SLC22A16: variants seen among roughly 807,000 people sequenced by gnomAD.
The protein encoded by SLC22A16 is solute carrier family 22 member 16.
A neutral mutation model predicts 52.9 loss-of-function variants in SLC22A16; 53 were observed. That is an observed-to-expected ratio of 1.00 (90% CI 0.80 to 1.26). SLC22A16 has a LOEUF of 1.26. Among genes scored for constraint, SLC22A16 ranks in the 50% most tolerant of loss-of-function variants. SLC22A16 has a pLI of 0.00. For synonymous variants in SLC22A16, 291 were observed against 268.8 expected, an observed-to-expected ratio of 1.08 and a Z score of -0.81; for missense variants, 726 against 704.0, an observed-to-expected ratio of 1.03 and a Z score of -0.35.
chr6:110,453,863 A>G (rs1046074479), intron 2 of SLC22A16, among the ~76,000 whole-genome samples: 1 of 152,244 alleles, frequency 6.6e-6, no homozygotes, highest in Non-Finnish European at 1.5e-5. Context: ...CTTTCATGCT[A>G]CATTACAACA....
chr6:110,449,293 C>T (rs1027604367), intron 2 of SLC22A16, among the ~76,000 whole-genome samples: 6 of 151,936 alleles, frequency 3.9e-5, no homozygotes, highest in Admixed American at 6.6e-5. Context: ...CCTGATGACC[C>T]GCCTGCCTCA....
At chr6:110,434,962 AAT>A (rs1346452096) in intron 6 of SLC22A16, among the ~76,000 whole-genome samples, 7 of 152,144 alleles carry the variant, frequency 4.6e-5, no homozygotes, top group Non-Finnish European at 8.8e-5. Context: ...TGGGCAACAG[AAT>A]GAGACTCCAT....
intron 4 of SLC22A16, among the ~76,000 whole-genome samples, chr6:110,441,796 A>G (rs549487032): frequency 6.6e-6 from 1 of 152,232 alleles, no homozygotes; most frequent in East Asian, 1.9e-4. Flanking sequence ...AACAGTTCTC[A>G]TGGTGGCTCA....
At chr6:110,429,394 G>A (rs1363157115) in intron 7 of SLC22A16, among the ~76,000 whole-genome samples, 3 of 152,250 alleles carry the variant, frequency 2.0e-5, no homozygotes, top group East Asian at 1.9e-4. Context: ...AGAGCCGTAT[G>A]TGTACCTGCT....
chr6:110,473,850 G>C (rs1276032144), intron 1 of SLC22A16, among the ~76,000 whole-genome samples: 1 of 151,834 alleles, frequency 6.6e-6, no homozygotes, highest in East Asian at 1.9e-4. Context: ...AAGGTGACTA[G>C]AATAGTGCTT....
rs1302080524 is a variant in SLC22A16, at chr6:110,459,733, T to A, written c.54-2716A>T. On this transcript the variant is annotated intron_variant, in intron 1 of 7. Coordinates refer to ENST00000368919, the MANE Select transcript of SLC22A16 (RefSeq NM_033125.4). Reference sequence around the variant, plus strand: ...AATAGGGGAAACTGGGTGAGGGTCATATGGGGACTCTGTACTATCTGTGTA... The same window carrying A: ...AATAGGGGAAACTGGGTGAGGGTCAAATGGGGACTCTGTACTATCTGTGTA... Among the ~76,000 whole-genome samples the A allele has an allele frequency of 3.3e-5, 5 of 152,306 alleles. No homozygotes were observed. The East Asian group carries it at 9.6e-4, about 29-fold the overall frequency.
chr6:110,463,712 T>A (rs1229786682), intron 1 of SLC22A16, among the ~76,000 whole-genome samples: 1 of 151,926 alleles, frequency 6.6e-6, no homozygotes, highest in African/African-American at 2.4e-5. Flanking sequence ...AATACCATAC[T>A]GACAGCAATA....
intron 1 of SLC22A16, among the ~76,000 whole-genome samples, chr6:110,461,900 A>T (rs1775898715): frequency 6.6e-6 from 1 of 152,238 alleles, no homozygotes; most frequent in Non-Finnish European, 1.5e-5. Flanking sequence ...GTCCAATTTC[A>T]TGCTGCTGAT....
chr6:110,476,205 G>GGGGGGCCT (rs376995495), intron 1 of SLC22A16: 17 of 687,178 alleles, frequency 2.5e-5, no homozygotes, highest in Non-Finnish European at 3.5e-5. Context: ...GGCCCCTCGA[G>GGGGGGCCT]CCAGATCTCC....
intron 6 of SLC22A16, among the ~76,000 whole-genome samples, chr6:110,435,449 G>A (rs1774685589): frequency 6.6e-6 from 1 of 152,106 alleles, no homozygotes; most frequent in Non-Finnish European, 1.5e-5. Flanking sequence ...CCAGCCTCCA[G>A]TACTGTGAGA....
At chr6:110,441,672 G>T (rs1394770517) in intron 4 of SLC22A16, among the ~76,000 whole-genome samples, 2 of 152,140 alleles carry the variant, frequency 1.3e-5, no homozygotes, top group Non-Finnish European at 2.9e-5. Context: ...AAAATGCCTG[G>T]GAAACATCAC....
intron 7 of SLC22A16, among the ~76,000 whole-genome samples, chr6:110,426,105 T>C (rs2114868080): frequency 6.6e-6 from 1 of 152,338 alleles, no homozygotes; most frequent in South Asian, 2.1e-4. Flanking sequence ...TGCAGAGCAC[T>C]GATAACCTAA....
chr6:110,467,637 A>G (rs1300835752), intron 1 of SLC22A16, among the ~76,000 whole-genome samples: 2 of 152,254 alleles, frequency 1.3e-5, no homozygotes, highest in East Asian at 1.9e-4. Flanking sequence ...GAGATGTTCA[A>G]TAGGCCAGTG....
At position 110,476,507 on chromosome 6, in the gene SLC22A16, G is replaced by GCCCCCC. The variant is rs1554229887; in HGVS notation, c.53+14_53+15insGGGGGG. On this transcript the variant is annotated intron_variant, in intron 1 of 7. Transcript: ENST00000368919. ...GCCGCCTCCCGCGTGGCGCCGCGGGGCCCCTCCCCCATACCTGCCGAAGTG... is the reference window on the plus strand; with the variant it reads ...GCCGCCTCCCGCGTGGCGCCGCGGGGCCCCCCCCCCTCCCCCATACCTGCCGAAGTG... 3 of 1,072,996 alleles carry GCCCCCC rather than the reference G, an allele frequency of 2.8e-6. No homozygotes were observed. The African/African-American group carries it at 8.5e-5, about 30-fold the overall frequency. The allele number at this position is 1,072,996 out of a possible 1,614,324, so 66.5% of individuals were successfully genotyped here.
Position 110,442,393 on chromosome 6 carries a change from T to C in SLC22A16, c.1034A>G (p.Asn345Ser), listed in dbSNP as rs775125057. The change falls in exon 4 of 8, where the codon AAC (asparagine) becomes AGC (serine). Residue 345 changes from asparagine to serine, a missense_variant. Asn to Ser is a conservative substitution (Grantham distance 46). Coordinates refer to ENST00000368919, the MANE Select transcript of SLC22A16 (RefSeq NM_033125.4). The part of the protein sequence containing the change: ...SNSPTEVQKH[N>S]LSYLFYNWSI... ...CCAGTTATAAAACAGATATGATAGG[T>C]TGTGCTTCTGAACTTCAGTGGGGCT... 1.7e-5 allele frequency: 27 copies of C among 1,614,210 alleles called. No homozygotes were observed. Among genetic ancestry groups the C allele is most frequent in the Non-Finnish European group, 2.0e-5 (24 of 1,180,034 alleles).
At chr6:110,467,679 G>A (rs1480757290) in intron 1 of SLC22A16, among the ~76,000 whole-genome samples, 1 of 152,194 alleles carries the variant, frequency 6.6e-6, no homozygotes, top group Non-Finnish European at 1.5e-5. Context: ...TCCCCCATCA[G>A]TTAAATTTTA....
rs150673458 is a variant in SLC22A16 at position 110,442,608 on chromosome 6, G to A, written c.819C>T (p.Ile273=). Reference sequence around the variant, plus strand: ...TAAAGGGGACAGTCACTGTGGAGAGGATCATCTGGTAAAGCCACCAGGTCC... The same window carrying A: ...TAAAGGGGACAGTCACTGTGGAGAGAATCATCTGGTAAAGCCACCAGGTCC... The part of the protein sequence containing the change: ...LVRTWWLYQM[I]LSTVTVPFIL... The change falls in exon 4 of 8, where the codon ATC becomes ATT. Residue 273 remains isoleucine, a synonymous_variant. Transcript: ENST00000368919. 8.1e-6 allele frequency: 13 copies of A among 1,614,036 alleles called. No individual in the cohort carries two copies. Among genetic ancestry groups the A allele is most frequent in the Non-Finnish European group, 1.1e-5 (13 of 1,180,036 alleles).
chr6:110,443,772 A>AC (rs1208067758), intron 3 of SLC22A16, among the ~76,000 whole-genome samples: 1 of 152,080 alleles, frequency 6.6e-6, no homozygotes, highest in Non-Finnish European at 1.5e-5. Flanking sequence ...CATGGAAGCA[A>AC]CCCCCCAAGG....
Position 110,443,168 on chromosome 6 carries a change from C to T in SLC22A16, c.652-393G>A, listed in dbSNP as rs111268521. Among the ~76,000 whole-genome samples the T allele has an allele frequency of 7.9e-3, 1,203 of 152,192 alleles. 21 individuals carry two copies. The highest frequency in any genetic ancestry group is 0.027 in the African/African-American group (1,121 of 41,524). ...TGCTAAATGGAGACAAAAAAATTTA[C>T]GCTAACTAGTGGTAAGAAAAACTGA... is the stretch of plus-strand genomic sequence containing the variant. On this transcript the variant is annotated intron_variant, in intron 3 of 7. Coordinates refer to ENST00000368919, the MANE Select transcript of SLC22A16 (RefSeq NM_033125.4).
Sources: gnomAD v4.1 joint callset for allele counts (sites outside exome capture counted in the v4.1 genomes callset) on GRCh38, gnomAD v4.1.1 for gene constraint, MANE v1.5 for transcripts, NCBI Gene and HGNC (gene_info 2026-07-23, HGNC 2026-07-21) for gene names.